Variants in ACSS3 observed in about 807,000 individuals in gnomAD.
ACSS3 encodes acyl-CoA synthetase short chain family member 3, also known as acyl-CoA synthetase short-chain family member 3, mitochondrial.
ACSS3 carries 64 observed loss-of-function variants against 84.2 expected under a neutral mutation model. The observed-to-expected ratio is 0.76, with a 90% CI of 0.62 to 0.94. The LOEUF (loss-of-function observed/expected upper bound fraction) is 0.94, where lower values mean the gene tolerates loss of function less well. ACSS3 is among the 40% of genes least tolerant of loss of function. The pLI, the probability that ACSS3 is intolerant of heterozygous loss-of-function variation, is 0.00. For missense variants in ACSS3, 815 were observed against 867.6 expected (o/e 0.94, Z 0.76); for synonymous variants, 317 against 310.1 (o/e 1.02, Z -0.23).
At chr12:81,176,889 C>A (rs2030520800) in intron 8 of ACSS3, among the ~76,000 whole-genome samples, 1 of 152,078 alleles carries the variant, frequency 6.6e-6, no homozygotes, top group Admixed American at 6.5e-5. Flanking sequence ...GCCAGTATTC[C>A]TAATGAACAT....
Position 81,079,993 on chromosome 12 carries a change from A to G in ACSS3, c.311+1562A>G, listed in dbSNP as rs201837250. On this transcript the variant is annotated intron_variant, in intron 1 of 15. Transcript: ENST00000548058. ...ACTCTCCTAGTATTCCTCAGATGAA[A>G]GCACAGAGATTATTGCATCACTGTT... is the stretch of plus-strand genomic sequence containing the variant. Among the ~76,000 whole-genome samples the G allele has an allele frequency of 3.9e-5, 6 of 152,328 alleles. No homozygotes were observed. The East Asian group carries it at 9.6e-4, about 24-fold the overall frequency.
chr12:81,193,605 T>G (rs1202845235), intron 8 of ACSS3, among the ~76,000 whole-genome samples: 1 of 151,990 alleles, frequency 6.6e-6, no homozygotes, highest in African/African-American at 2.4e-5. Flanking sequence ...GTTTATAGTA[T>G]TATAGATTTT....
chr12:81,138,696 T>C (rs939180269), intron 3 of ACSS3, among the ~76,000 whole-genome samples: 4 of 152,170 alleles, frequency 2.6e-5, no homozygotes, highest in Non-Finnish European at 5.9e-5. Context: ...ATTTGGGTCT[T>C]TTTCTGCTGT....
At chr12:81,102,956 A>G (rs549755863) in intron 1 of ACSS3, among the ~76,000 whole-genome samples, 13 of 152,342 alleles carry the variant, frequency 8.5e-5, no homozygotes, top group South Asian at 4.1e-4. Flanking sequence ...TGATTATTCA[A>G]TTTTAATGTG....
chr12:81,106,822 C>A (rs2121483690), intron 1 of ACSS3, among the ~76,000 whole-genome samples: 1 of 152,112 alleles, frequency 6.6e-6, no homozygotes, highest in African/African-American at 2.4e-5. Context: ...AGAACCAAAC[C>A]ATTACAGAGA....
intron 2 of ACSS3, among the ~76,000 whole-genome samples, chr12:81,112,712 G>C (rs537752005): frequency 2.6e-5 from 4 of 152,158 alleles, no homozygotes; most frequent in Non-Finnish European, 5.9e-5. Flanking sequence ...AGAGAAGACA[G>C]AGAAAGAAAG....
intron 13 of ACSS3, among the ~76,000 whole-genome samples, chr12:81,236,958 C>A (rs935047407): frequency 4.6e-5 from 7 of 151,370 alleles, no homozygotes; most frequent in Admixed American, 2.0e-4. Context: ...TAGCCAGATT[C>A]TCCATAAATG....
chr12:81,216,724 A>T (rs566192113), intron 9 of ACSS3, among the ~76,000 whole-genome samples, 177 bp from the exon 10 acceptor site: 4 of 152,196 alleles, frequency 2.6e-5, no homozygotes, highest in Admixed American at 2.6e-4. Flanking sequence ...TACTGTGGAT[A>T]TGTTATAAGT....
At chr12:81,166,118 A>C (rs1342481451) in intron 7 of ACSS3, among the ~76,000 whole-genome samples, 1 of 152,172 alleles carries the variant, frequency 6.6e-6, no homozygotes, top group African/African-American at 2.4e-5. Flanking sequence ...CCCTTGCCAT[A>C]ATCTGGAGAG....
At chr12:81,109,788 A>G in intron 2 of ACSS3, 84 bp downstream of exon 2, 1 of 1,111,778 alleles carries the variant, frequency 9.0e-7, no homozygotes, top group Non-Finnish European at 1.2e-6. Flanking sequence ...TAGAGCCTTC[A>G]ATTCTCTAAT....
rs2034555364 is a variant in ACSS3 at position 81,259,066 on chromosome 12, T to A, written c.*4144T>A. 6.0e-6 allele frequency: 1 copy of A among 166,330 alleles called. No individual in the cohort carries two copies. The allele number at this position is 166,330 out of a possible 1,614,324, so 10.3% of individuals were successfully genotyped here. A position where few individuals can be genotyped will look rare whatever the true frequency, so the allele number is the denominator to read the frequency against. On this transcript the variant is annotated 3_prime_UTR_variant, in exon 16 of 16. Coordinates refer to ENST00000548058, the MANE Select transcript of ACSS3 (RefSeq NM_024560.4). The stretch of plus-strand genomic sequence containing the variant: ...TCTATTTTTGGCTCCGGTTCCAGGT[T>A]AAATCATTCTTTTTTACATGATCAG...
intron 2 of ACSS3, among the ~76,000 whole-genome samples, chr12:81,114,300 T>C (rs1883854823): frequency 6.6e-6 from 1 of 152,062 alleles, no homozygotes; most frequent in African/African-American, 2.4e-5. Context: ...ACTATAAAGG[T>C]CAAAAAATTT....
At chr12:81,253,203 A>C in intron 13 of ACSS3, 104 bp from the exon 14 acceptor site, 1 of 1,253,632 alleles carries the variant, frequency 8.0e-7, no homozygotes, top group Non-Finnish European at 1.1e-6. Flanking sequence ...CCCCAACTGA[A>C]ATTATATGTG....
chr12:81,245,170 A>G (rs1227898236), intron 13 of ACSS3, among the ~76,000 whole-genome samples: 1 of 152,242 alleles, frequency 6.6e-6, no homozygotes, highest in Middle Eastern at 3.4e-3. Flanking sequence ...CCCCTCTTAA[A>G]ATAGGATGAG....
At chr12:81,223,379 G>C (rs980556918) in intron 11 of ACSS3, among the ~76,000 whole-genome samples, 1 of 151,980 alleles carries the variant, frequency 6.6e-6, no homozygotes, top group Non-Finnish European at 1.5e-5. Context: ...ACAGCTTCAC[G>C]TAAATGATTC....
At chr12:81,150,910 ATTG>A (rs1328583762) in intron 5 of ACSS3, among the ~76,000 whole-genome samples, 1 of 152,172 alleles carries the variant, frequency 6.6e-6, no homozygotes, top group Non-Finnish European at 1.5e-5. Context: ...AGCAGTTATA[ATTG>A]TTGTACTAAA....
chr12:81,114,963 A>G (rs1883914685), intron 2 of ACSS3, among the ~76,000 whole-genome samples: 1 of 152,036 alleles, frequency 6.6e-6, no homozygotes, highest in African/African-American at 2.4e-5. Flanking sequence ...CTAAAGGTTT[A>G]CCTGCTTTTG....
At chr12:81,088,627 C>T (rs998209780) in intron 1 of ACSS3, among the ~76,000 whole-genome samples, 1 of 151,998 alleles carries the variant, frequency 6.6e-6, no homozygotes, top group African/African-American at 2.4e-5. Context: ...TTTGGAAATA[C>T]AGTTTCTTAA....
At chr12:81,131,728 G>T (rs1184224227) in intron 2 of ACSS3, among the ~76,000 whole-genome samples, 3 of 152,148 alleles carry the variant, frequency 2.0e-5, no homozygotes, top group Non-Finnish European at 4.4e-5. Context: ...AATGCTTCCA[G>T]TTTTTGGCCA....
Sources: allele counts gnomAD v4.1 joint callset (sites outside exome capture counted in the v4.1 genomes callset), GRCh38; gene constraint gnomAD v4.1.1; transcripts MANE v1.5; gene names NCBI Gene and HGNC (gene_info 2026-07-23, HGNC 2026-07-21).